The following EPHA5 variants were observed in gnomAD, a reference collection of about 807,000 sequenced individuals.
EPHA5 encodes the protein EPH receptor A5.
EPHA5 carries 60 observed loss-of-function variants against 105.0 expected under a neutral mutation model. The observed-to-expected ratio is 0.57, with a 90% CI of 0.46 to 0.71. EPHA5 has a LOEUF of 0.71. Among genes scored for constraint, EPHA5 ranks in the 30% least tolerant of loss-of-function variants. The pLI is 0.00. For synonymous variants in EPHA5, 513 were observed against 449.1 expected (o/e 1.14, Z -1.80); for missense variants, 1,218 against 1,274.7 (o/e 0.96, Z 0.68).
intron 5 of EPHA5, among the ~76,000 whole-genome samples, chr4:65,483,673 G>C (rs1402613069): frequency 6.6e-6 from 1 of 152,152 alleles, no homozygotes; most frequent in African/African-American, 2.4e-5. Flanking sequence ...TTAGGGTCAC[G>C]TGATGAATGA....
intron 7 of EPHA5, among the ~76,000 whole-genome samples, chr4:65,406,091 C>G (rs1156405453): frequency 6.6e-6 from 1 of 152,072 alleles, no homozygotes; most frequent in East Asian, 1.9e-4. Context: ...TCCCACTTCC[C>G]ACATTTGAGA....
At position 65,395,288 on chromosome 4, in the gene EPHA5, G is replaced by A. The variant is rs147803766; in HGVS notation, c.1793+9086C>T. 2.3e-3 allele frequency among the ~76,000 whole-genome samples: 355 copies of A among 152,136 alleles called. 1 individual carries two copies. Among genetic ancestry groups the A allele is most frequent in the Non-Finnish European group, 3.7e-3 (250 of 67,996 alleles). ...TTATAAAAGTTTGACTACTTATCAC[G>A]CTACTAAGTAAGAGTAAAAACATTT... On this transcript the variant is annotated intron_variant, in intron 8 of 16. Coordinates refer to ENST00000613740, the MANE Select transcript of EPHA5 (RefSeq NM_001281766.3).
chr4:65,400,711 G>C (rs1016654110), intron 8 of EPHA5, among the ~76,000 whole-genome samples: 1 of 151,998 alleles, frequency 6.6e-6, no homozygotes, highest in Non-Finnish European at 1.5e-5. Flanking sequence ...ATTTGAAATA[G>C]ATCAGTTTCA....
At chr4:65,476,135 T>A (rs1223487552) in intron 5 of EPHA5, among the ~76,000 whole-genome samples, 9 of 149,042 alleles carry the variant, frequency 6.0e-5, no homozygotes, top group African/African-American at 2.0e-4. Context: ...AGAGTGTGTG[T>A]GTGTGTGTGT....
intron 2 of EPHA5, among the ~76,000 whole-genome samples, chr4:65,626,745 C>T (rs920675931): frequency 5.3e-5 from 8 of 152,148 alleles, no homozygotes; most frequent in African/African-American, 1.7e-4. Context: ...TTTTAGAAGA[C>T]ATTTGTTCAA....
rs574978527 is a variant in EPHA5, at chr4:65,484,132, T to C, written c.1402+6245A>G. ...ATTATTATAATAATAGTCTAAAAGGTGACCTTTTTTTTCTTTTTAGAAGTT... is the reference window on the plus strand; with the variant it reads ...ATTATTATAATAATAGTCTAAAAGGCGACCTTTTTTTTCTTTTTAGAAGTT... On this transcript the variant is annotated intron_variant, in intron 5 of 16. Coordinates refer to ENST00000613740, the MANE Select transcript of EPHA5 (RefSeq NM_001281766.3). 2.2e-3 allele frequency among the ~76,000 whole-genome samples: 332 copies of C among 152,198 alleles called. 3 individuals are homozygous for C. The highest frequency in any genetic ancestry group is 7.8e-3 in the African/African-American group (324 of 41,516).
At chr4:65,426,424 C>T (rs1724445225) in intron 5 of EPHA5, among the ~76,000 whole-genome samples, 1 of 152,114 alleles carries the variant, frequency 6.6e-6, no homozygotes, top group African/African-American at 2.4e-5. Flanking sequence ...GACTGATTGA[C>T]CATTTGTTAA....
rs543632517 is a variant in EPHA5, at chr4:65,484,980, T to C, written c.1402+5397A>G. 3.9e-5 allele frequency among the ~76,000 whole-genome samples: 6 copies of C among 151,964 alleles called. No homozygotes were observed. In the South Asian group the frequency reaches 1.0e-3, roughly 26 times the overall value. ...GTTGTCATGTAAATAAATCTAAATA[T>C]TATTTGGCAAAGAAAGATTATCATG... On this transcript the variant is annotated intron_variant, in intron 5 of 16. Coordinates refer to ENST00000613740, the MANE Select transcript of EPHA5 (RefSeq NM_001281766.3).
intron 8 of EPHA5, among the ~76,000 whole-genome samples, chr4:65,386,124 A>G (rs1010108065): frequency 5.9e-5 from 9 of 152,026 alleles, no homozygotes; most frequent in African/African-American, 1.9e-4. Flanking sequence ...CTAAAACACA[A>G]AAGTTGACAC....
At chr4:65,440,795 G>A (rs886984734) in intron 5 of EPHA5, among the ~76,000 whole-genome samples, 1 of 151,956 alleles carries the variant, frequency 6.6e-6, no homozygotes, top group African/African-American at 2.4e-5. Flanking sequence ...AAGAGGAAAA[G>A]CCTTGTCTCC....
intron 6 of EPHA5, among the ~76,000 whole-genome samples, chr4:65,416,426 T>C (rs951629043): frequency 5.9e-5 from 9 of 152,096 alleles, no homozygotes; most frequent in African/African-American, 1.9e-4. Context: ...CTCTACAAAA[T>C]AGGTTCTATG....
At chr4:65,411,771 A>T (rs2149011034) in intron 7 of EPHA5, among the ~76,000 whole-genome samples, 1 of 152,354 alleles carries the variant, frequency 6.6e-6, no homozygotes, top group Admixed American at 6.5e-5. Flanking sequence ...GGAAAAAAGT[A>T]TTAATTTAAT....
chr4:65,651,402 G>T (rs1287664338), intron 1 of EPHA5, among the ~76,000 whole-genome samples: 1 of 152,200 alleles, frequency 6.6e-6, no homozygotes, highest in Admixed American at 6.5e-5. Context: ...GATACAACTT[G>T]TAAGTGGCAG....
chr4:65,369,931 C>T (rs528179898), intron 8 of EPHA5, among the ~76,000 whole-genome samples: 1 of 152,166 alleles, frequency 6.6e-6, no homozygotes. Flanking sequence ...CTTGCCACTG[C>T]ACTCCAGCCT....
At chr4:65,641,652 T>C (rs1229222436) in intron 2 of EPHA5, among the ~76,000 whole-genome samples, 1 of 152,042 alleles carries the variant, frequency 6.6e-6, no homozygotes, top group Non-Finnish European at 1.5e-5. Context: ...AACACCTGAA[T>C]CCCATACACA....
intron 5 of EPHA5, among the ~76,000 whole-genome samples, chr4:65,427,471 G>A (rs1212955084): frequency 1.3e-5 from 2 of 152,114 alleles, no homozygotes; most frequent in Admixed American, 6.6e-5. Flanking sequence ...GTGAGTCACC[G>A]CGCCCCGTCC....
chr4:65,367,231 A>T, intron 9 of EPHA5, 126 bp downstream of exon 9: 2 of 786,370 alleles, frequency 2.5e-6, no homozygotes, highest in Non-Finnish European at 3.9e-6. Context: ...CAAATAGAAC[A>T]CTTTTAAAAA....
chr4:65,432,777 C>T (rs1036524737), intron 5 of EPHA5, among the ~76,000 whole-genome samples: 1 of 151,592 alleles, frequency 6.6e-6, no homozygotes, highest in African/African-American at 2.4e-5. Flanking sequence ...TCTACTACTG[C>T]TTTTACAGCC....
intron 3 of EPHA5, among the ~76,000 whole-genome samples, chr4:65,527,602 A>G (rs1229283858): frequency 1.3e-5 from 2 of 152,132 alleles, no homozygotes; most frequent in African/African-American, 4.8e-5. Flanking sequence ...ACTAACTCCT[A>G]TGATTTGGTA....
Sources: allele counts gnomAD v4.1 joint callset (sites outside exome capture counted in the v4.1 genomes callset), GRCh38; gene constraint gnomAD v4.1.1; transcripts MANE v1.5; gene names NCBI Gene and HGNC (gene_info 2026-07-23, HGNC 2026-07-21).